The following RPL15 variants were observed in gnomAD, a reference collection of about 807,000 sequenced individuals.
RPL15 encodes large ribosomal subunit protein eL15.
For synonymous variants in RPL15, 97 were observed against 95.1 expected (o/e 1.02, Z -0.12); for missense variants, 161 against 271.8 (o/e 0.59, Z 2.87).
rs1705045783 is a variant in RPL15, at chr3:23,920,933, A to T, written c.*1432A>T. On this transcript the variant is annotated 3_prime_UTR_variant, in exon 4 of 4. Coordinates refer to ENST00000307839, the MANE Select transcript of RPL15 (RefSeq NM_002948.5). The stretch of plus-strand genomic sequence containing the variant: ...GCCCTAACCAGCAAAAAGGCATCAA[A>T]ATGTGATTATAGAAATAATATAATT... 2.2e-5 allele frequency: 4 copies of T among 185,316 alleles called. No individual in the cohort carries two copies. Among genetic ancestry groups the T allele is most frequent in the Non-Finnish European group, 4.1e-5 (4 of 98,406 alleles). 11.5% of individuals were successfully genotyped at this position (185,316 alleles called of 1,614,324 possible).
chr3:23,918,301 G>A (rs576136214), intron 2 of RPL15, 139 bp from the exon 3 acceptor site: 4 of 1,052,454 alleles, frequency 3.8e-6, no homozygotes, highest in Non-Finnish European at 5.4e-6. Context: ...AAAAGACTGG[G>A]ATGTGTTTTA....
In RPL15 at chr3:23,919,970, G is replaced by A. The variant is rs1704981099; in HGVS notation, c.*469G>A. 1.0e-6 allele frequency: 1 copy of A among 988,366 alleles called. No homozygotes were observed. Among genetic ancestry groups the A allele is most frequent in the Admixed American group, 6.0e-5 (1 of 16,692 alleles). The allele number at this position is 988,366 out of a possible 1,614,324, so 61.2% of individuals were successfully genotyped here. ...GGTTAGCCTGAAGAAAATTGCCTCAGCCTCCACAGTACCATTTTAAATTCA... is the reference window on the plus strand; with the variant it reads ...GGTTAGCCTGAAGAAAATTGCCTCAACCTCCACAGTACCATTTTAAATTCA... On this transcript the variant is annotated 3_prime_UTR_variant, in exon 4 of 4. Transcript: ENST00000307839.
downstream of RPL15, among the ~76,000 whole-genome samples, chr3:23,921,182 C>T (rs763534118): frequency 9.2e-5 from 14 of 152,270 alleles, no homozygotes; most frequent in East Asian, 1.9e-4. Flanking sequence ...AGAAAGGGTT[C>T]GGGCCAAAGG....
chr3:23,923,995 T>C (rs1169414959), downstream of RPL15: 2 of 152,210 alleles, frequency 1.3e-5, no homozygotes, highest in Non-Finnish European at 2.9e-5. Flanking sequence ...TGGCCTCTCA[T>C]GCATTTAGGT....
At chr3:23,916,637 G>A (rs1214397643), upstream of RPL15, 1 of 152,530 alleles carries the variant, frequency 6.6e-6, no homozygotes, top group Non-Finnish European at 1.5e-5. Context: ...CTGGGAGGCT[G>A]GGGAAGCGTC....
In RPL15 at chr3:23,917,137, T is replaced by C. The variant is rs1485227699; in HGVS notation, c.-47T>C. 3 of 152,990 alleles carry C rather than the reference T, an allele frequency of 2.0e-5. No homozygotes were observed. In the South Asian group the frequency reaches 6.2e-4, roughly 31 times the overall value. 9.5% of individuals were successfully genotyped at this position (152,990 alleles called of 1,614,324 possible). A position where few individuals can be genotyped will look rare whatever the true frequency, so the allele number is the denominator to read the frequency against. On this transcript the variant is annotated 5_prime_UTR_variant, in exon 1 of 4. Coordinates refer to ENST00000307839, the MANE Select transcript of RPL15 (RefSeq NM_002948.5). Reference sequence around the variant, plus strand: ...AGGAGCCCAAAAGGCATTGTGGGAGTACAGCTCTTTCCTTTCCGTCTGGCG... The same window carrying C: ...AGGAGCCCAAAAGGCATTGTGGGAGCACAGCTCTTTCCTTTCCGTCTGGCG...
intron 3 of RPL15, chr3:23,918,909 G>C: frequency 1.9e-6 from 1 of 517,704 alleles, no homozygotes; most frequent in Non-Finnish European, 3.4e-6. Flanking sequence ...AAAAAGATAA[G>C]GTCCCCAAAC....
intron 1 of RPL15, chr3:23,917,555 C>T (rs1349337552): frequency 1.3e-5 from 4 of 297,370 alleles, no homozygotes; most frequent in East Asian, 7.6e-5. Flanking sequence ...TCAGGTCCTC[C>T]TTGGGGACGC....
chr3:23,918,853 C>CT (rs1384517847), intron 3 of RPL15: 9 of 503,960 alleles, frequency 1.8e-5, no homozygotes, highest in African/African-American at 1.3e-4. Flanking sequence ...AAAATATATA[C>CT]TAAATATTTT....
chr3:23,919,046 T>A (rs1398277201), intron 3 of RPL15, 150 bp from the exon 4 acceptor site: 2 of 625,486 alleles, frequency 3.2e-6, no homozygotes, highest in African/African-American at 3.7e-5. Context: ...ATTACACTTG[T>A]GATAGTCTAG....
At chr3:23,916,752 C>G (rs957709522), upstream of RPL15, 7 of 141,508 alleles carry the variant, frequency 4.9e-5, no homozygotes, top group Non-Finnish European at 7.8e-5. Flanking sequence ...AGAGACTCCG[C>G]AGGGGGAGAG....
At position 23,919,243 on chromosome 3, in the gene RPL15, C is replaced by T; in HGVS notation, c.357C>T (p.Tyr119=). ...HCGALRVLNS[Y]WVGEDSTYKF... is the part of the protein sequence containing the mutation. The stretch of plus-strand genomic sequence containing the variant: ...GGGCTCTGAGAGTCCTGAATTCTTA[C>T]TGGGTTGGTGAAGATTCCACATACA... Residue 119 remains tyrosine (Y), a synonymous_variant, in exon 4 of 4, where the codon TAC becomes TAT. Transcript: ENST00000307839. 3 of 1,613,720 alleles carry T rather than the reference C, an allele frequency of 1.9e-6. No homozygotes were observed. The highest frequency in any genetic ancestry group is 2.5e-6 in the Non-Finnish European group (3 of 1,179,844).
At chr3:23,917,736 C>A in intron 1 of RPL15, 114 bp from the exon 2 acceptor site, 1 of 1,081,106 alleles carries the variant, frequency 9.2e-7, no homozygotes, top group Non-Finnish European at 1.3e-6. Flanking sequence ...TGGTGCAGAG[C>A]CATTTTCATT....
downstream of RPL15, chr3:23,923,299 C>T (rs1705148252): frequency 1.3e-5 from 2 of 150,022 alleles, no homozygotes; most frequent in Admixed American, 1.3e-4. Context: ...TGGCTCGCAG[C>T]AACTTCTGCC....
downstream of RPL15, chr3:23,921,742 G>A (rs560035188): frequency 2.8e-5 from 17 of 613,196 alleles, no homozygotes; most frequent in Middle Eastern, 8.6e-4. Flanking sequence ...GCCCAGCTAA[G>A]TTTTGTATTT....
chr3:23,921,854 C>T (rs1705098703), downstream of RPL15: 3 of 502,236 alleles, frequency 6.0e-6, no homozygotes, highest in South Asian at 5.7e-5. Context: ...GGATTACAGG[C>T]GTGAGCCACC....
chr3:23,918,676 G>T, intron 3 of RPL15, 100 bp downstream of exon 3: 1 of 1,377,532 alleles, frequency 7.3e-7, no homozygotes, highest in Non-Finnish European at 9.8e-7. Flanking sequence ...GAGCTGTCTC[G>T]TATATAAAAC....
chr3:23,918,706 A>G, intron 3 of RPL15, 130 bp downstream of exon 3: 1 of 1,099,964 alleles, frequency 9.1e-7, no homozygotes, highest in Non-Finnish European at 1.3e-6. Flanking sequence ...GATTTTTACT[A>G]ATCTTGGTGA....
At chr3:23,917,030 G>C (rs1257797668), upstream of RPL15, 1 of 152,550 alleles carries the variant, frequency 6.6e-6, no homozygotes, top group Non-Finnish European at 1.5e-5. Context: ...TCCGCCACCA[G>C]GCGCGATGCC....
Sources: gnomAD v4.1 joint callset for allele counts (sites outside exome capture counted in the v4.1 genomes callset) on GRCh38, gnomAD v4.1.1 for gene constraint, MANE v1.5 for transcripts, NCBI Gene and HGNC (gene_info 2026-07-23, HGNC 2026-07-21) for gene names.